ABL1: variants seen among roughly 807,000 people sequenced by gnomAD.
ABL1 encodes the protein ABL proto-oncogene 1, non-receptor tyrosine kinase.
In ABL1, 11 loss-of-function variants were observed where a neutral mutation model predicts 94.7. The ratio of observed to expected loss-of-function variants is 0.12; its 90% confidence interval spans 0.07 to 0.19. ABL1 has a LOEUF of 0.19. ABL1 is among the 10% of genes least tolerant of loss of function. The probability of loss-of-function intolerance (pLI) is 1.00; values close to 1 mark genes in which losing one functional copy is unlikely to be tolerated. For synonymous variants in ABL1, 656 were observed against 622.4 expected, an observed-to-expected ratio of 1.05 and a Z score of -0.80; for missense variants, 1,082 against 1,489.4, an observed-to-expected ratio of 0.73 and a Z score of 4.50.
At chr9:130,723,351 G>A (rs921004877) in intron 1 of ABL1, among the ~76,000 whole-genome samples, 1 of 152,070 alleles carries the variant, frequency 6.6e-6, no homozygotes, top group Non-Finnish European at 1.5e-5. Context: ...TGAGAGAGTG[G>A]CCTGGACAAC....
In ABL1 at chr9:130,821,616, AC is replaced by A. The variant is rs1474212792; in HGVS notation, c.137-32447del. 3.3e-5 allele frequency among the ~76,000 whole-genome samples: 5 copies of A among 150,990 alleles called. No homozygotes were observed. In the East Asian group the frequency reaches 9.7e-4, roughly 29 times the overall value. ...CATGTATAAGTCTTTGTGTGGATAT[AC>A]ATTTTCATTTCTCTAGGGTAGATTT... On this transcript the variant is annotated intron_variant, in intron 1 of 10. Transcript: ENST00000372348.
At chr9:130,841,920 A>G (rs1015479654) in intron 1 of ABL1, among the ~76,000 whole-genome samples, 1 of 145,224 alleles carries the variant, frequency 6.9e-6, no homozygotes, top group African/African-American at 2.7e-5. Flanking sequence ...ACAGAGAGAA[A>G]TAGGTGGGAA....
chr9:130,761,977 C>G (rs1411950877), intron 1 of ABL1, among the ~76,000 whole-genome samples: 1 of 151,978 alleles, frequency 6.6e-6, no homozygotes, highest in Non-Finnish European at 1.5e-5. Flanking sequence ...ACCCCCGTCT[C>G]TACTAAAAAT....
intron 1 of ABL1, among the ~76,000 whole-genome samples, chr9:130,741,581 G>A (rs1041403773): frequency 6.6e-6 from 1 of 151,990 alleles, no homozygotes; most frequent in Admixed American, 6.6e-5. Context: ...TACCATGCCA[G>A]AGTAACAGTT....
At chr9:130,718,608 C>T (rs905070422) in intron 1 of ABL1, among the ~76,000 whole-genome samples, 3 of 152,134 alleles carry the variant, frequency 2.0e-5, no homozygotes, top group African/African-American at 7.2e-5. Context: ...AGGCCAGGCA[C>T]TGTGGCTTAT....
chr9:130,780,918 TGAG>T (rs1829746739), intron 1 of ABL1, among the ~76,000 whole-genome samples: 1 of 152,196 alleles, frequency 6.6e-6, no homozygotes, highest in Non-Finnish European at 1.5e-5. Flanking sequence ...AAACTGAAAA[TGAG>T]GAGAGTGTTC....
intron 1 of ABL1, among the ~76,000 whole-genome samples, chr9:130,789,303 C>T (rs539219318): frequency 1.3e-5 from 2 of 152,322 alleles, no homozygotes; most frequent in East Asian, 1.9e-4. Flanking sequence ...AAAAAAATCA[C>T]ATGAGAACTT....
chr9:130,850,181 G>T (rs1830833991), intron 1 of ABL1, among the ~76,000 whole-genome samples: 1 of 152,178 alleles, frequency 6.6e-6, no homozygotes, highest in Non-Finnish European at 1.5e-5. Flanking sequence ...AGCTGTTGTT[G>T]TAATTACTTG....
Position 130,884,101 on chromosome 9 carries a change from T to C in ABL1, c.1811T>C (p.Ile604Thr), listed in dbSNP as rs1297917726. Reference protein sequence around the residue: ...DKKTNLFSALIKKKKKTAPTP... With the variant: ...DKKTNLFSALTKKKKKTAPTP... ...AAGACCAACTTGTTCAGCGCCTTGA[T>C]CAAGAAGAAGAAGAAGACAGCCCCA... Residue 604 changes from isoleucine to threonine, a missense_variant, in exon 11 of 11, where the codon ATC (isoleucine) becomes ACC (threonine). By Grantham distance (89) the Ile-to-Thr change is moderately conservative. Transcript: ENST00000318560. This position sits in a 1 kb window ranked among gnomAD's most constrained non-coding sequence, Gnocchi z 5.6. The C allele has an allele frequency of 6.2e-7, 1 of 1,613,754 alleles. No individual in the cohort carries two copies. Among genetic ancestry groups the C allele is most frequent in the East Asian group, 2.2e-5 (1 of 44,864 alleles).
At chr9:130,875,538 C>G (rs755413888) in intron 7 of ABL1, among the ~76,000 whole-genome samples, 1 of 151,974 alleles carries the variant, frequency 6.6e-6, no homozygotes, top group Non-Finnish European at 1.5e-5. Context: ...TCTATAAGCC[C>G]CCTCTCCATG....
chr9:130,755,554 C>T (rs946498164), intron 1 of ABL1, among the ~76,000 whole-genome samples: 2 of 152,170 alleles, frequency 1.3e-5, no homozygotes, highest in African/African-American at 4.8e-5. Flanking sequence ...CTATAATGAT[C>T]AGAATAATTG....
At chr9:130,796,177 AAAT>A (rs1384072261) in intron 1 of ABL1, among the ~76,000 whole-genome samples, 5 of 152,154 alleles carry the variant, frequency 3.3e-5, no homozygotes, top group Non-Finnish European at 5.9e-5. Context: ...CGTCTCAAAA[AAAT>A]AATAATAAGA....
At chr9:130,868,708 A>G (rs1831201118) in intron 4 of ABL1, among the ~76,000 whole-genome samples, 1 of 151,100 alleles carries the variant, frequency 6.6e-6, no homozygotes, top group Admixed American at 6.6e-5. Context: ...TTTAGTAGAG[A>G]CACGGTTTCA....
In ABL1 at chr9:130,859,881, A is replaced by G. The variant is rs544125798; in HGVS notation, c.550-2882A>G. On this transcript the variant is annotated intron_variant, in intron 3 of 10. Transcript: ENST00000318560. The stretch of plus-strand genomic sequence containing the variant: ...TTTTTAGTAGAGATGGGGTTTCACC[A>G]TGTTGGCCAGGCTGGTTTCGAACGC... Among the ~76,000 whole-genome samples, 22 of 151,870 alleles carry G rather than the reference A, an allele frequency of 1.4e-4. No homozygotes were observed. The South Asian group carries it at 2.7e-3, about 19-fold the overall frequency.
chr9:130,849,710 G>A (rs1830827683), intron 1 of ABL1, among the ~76,000 whole-genome samples: 1 of 152,094 alleles, frequency 6.6e-6, no homozygotes, highest in Non-Finnish European at 1.5e-5. Flanking sequence ...TAGAGACGGG[G>A]TTTCACCATA....
chr9:130,810,107 A>G (rs1308774786), intron 1 of ABL1, among the ~76,000 whole-genome samples: 1 of 152,226 alleles, frequency 6.6e-6, no homozygotes, highest in Non-Finnish European at 1.5e-5. Context: ...AATGAGACAG[A>G]TTATATAAGT....
At chr9:130,758,899 G>A (rs575633351) in intron 1 of ABL1, among the ~76,000 whole-genome samples, 5 of 152,252 alleles carry the variant, frequency 3.3e-5, no homozygotes, top group East Asian at 1.9e-4. Context: ...TGGTTTCGCC[G>A]GGATTCAGAA....
rs1026767125 is a variant in ABL1, at chr9:130,876,882, G to A, written c.1271-1533G>A. On this transcript the variant is annotated intron_variant, in intron 7 of 10. Coordinates refer to ENST00000318560, the MANE Select transcript of ABL1 (RefSeq NM_005157.6). ...CTCCCGAGTAGCTGAGACTATAGGC[G>A]CCCGCCGCCACACTCGGCCAATTTT... Among the ~76,000 whole-genome samples, 7 of 146,378 alleles carry A rather than the reference G, an allele frequency of 4.8e-5. 1 individual carries two copies. The highest frequency in any genetic ancestry group is 9.0e-5 in the Non-Finnish European group (6 of 66,832).
In ABL1 at chr9:130,835,284, CGCGGCCGCGGCCATGG is replaced by C. The variant is rs1443884546; in HGVS notation, c.-158_-143del. ...CAGGCGCGTCCCGGCCAGGCGGAGA[CGCGGCCGCGGCCATGG>C]GCGGGCGCGGGCGCGCGGGGCGGCG... On this transcript the variant is annotated 5_prime_UTR_variant, in exon 1 of 11. It removes an upstream start codon present in the reference 5' UTR. Coordinates refer to ENST00000318560, the MANE Select transcript of ABL1 (RefSeq NM_005157.6). This position sits in a 1 kb window ranked among gnomAD's most constrained non-coding sequence, Gnocchi z 4.6. The C allele has an allele frequency of 6.5e-6, 1 of 153,140 alleles. No homozygotes were observed. The highest frequency in any genetic ancestry group is 2.5e-5 in the African/African-American group (1 of 39,898). The allele number at this position is 153,140 out of a possible 1,614,324, so 9.5% of individuals were successfully genotyped here.
Sources: gnomAD v4.1 joint callset for allele counts (sites outside exome capture counted in the v4.1 genomes callset) on GRCh38, gnomAD v4.1.1 for gene constraint, Gnocchi (gnomAD v3.1) non-coding constraint, MANE v1.5 for transcripts, NCBI Gene and HGNC (gene_info 2026-07-23, HGNC 2026-07-21) for gene names.